Variants in HIF1A observed in about 807,000 individuals in gnomAD.
HIF1A encodes the protein hypoxia-inducible factor 1-alpha.
HIF1A carries 24 observed loss-of-function variants against 92.7 expected under a neutral mutation model. That is an observed-to-expected ratio of 0.26 (90% confidence interval 0.19 to 0.36). The LOEUF (loss-of-function observed/expected upper bound fraction) is 0.36. Ranked by LOEUF, HIF1A falls within the 10% of genes least tolerant of loss-of-function variation. The pLI, the probability that HIF1A is intolerant of heterozygous loss-of-function variation, is 1.00. For missense variants in HIF1A, 799 were observed against 998.5 expected (o/e 0.80, Z 2.69); for synonymous variants, 319 against 338.7 (o/e 0.94, Z 0.64).
intron 1 of HIF1A, among the ~76,000 whole-genome samples, chr14:61,706,405 T>C: frequency 6.6e-6 from 1 of 152,238 alleles, no homozygotes; most frequent in East Asian, 1.9e-4. Flanking sequence ...AAAGTTTTAC[T>C]AAACGCACAC....
Position 61,728,321 on chromosome 14 carries a change from A to T in HIF1A, c.773+666A>T, listed in dbSNP as rs138436712. 7.2e-3 allele frequency among the ~76,000 whole-genome samples: 1,095 copies of T among 152,252 alleles called. 19 individuals carry two copies. The highest frequency in any genetic ancestry group is 0.025 in the African/African-American group (1,027 of 41,554). The stretch of plus-strand genomic sequence containing the variant: ...AAGCCAAGTGTTTGTACATCTCTTC[A>T]TCCTACATATTTTCCCTGAGAAGCT... On this transcript the variant is annotated intron_variant, in intron 6 of 14. Transcript: ENST00000337138.
At chr14:61,744,457 A>T (rs902595912) in intron 12 of HIF1A, among the ~76,000 whole-genome samples, 5 of 151,580 alleles carry the variant, frequency 3.3e-5, no homozygotes, top group African/African-American at 1.2e-4. Flanking sequence ...TGGTTGCAGT[A>T]AGCAGAGATC....
chr14:61,695,885 G>A (rs1373028741), intron 1 of HIF1A, 46 bp downstream of exon 1: 1 of 1,527,538 alleles, frequency 6.5e-7, no homozygotes, highest in Non-Finnish European at 8.9e-7. Flanking sequence ...CGGCGACCCC[G>A]CCCGCCTGCC....
At chr14:61,716,487 G>T (rs1183644350) in intron 1 of HIF1A, among the ~76,000 whole-genome samples, 1 of 152,092 alleles carries the variant, frequency 6.6e-6, no homozygotes, top group Non-Finnish European at 1.5e-5. Context: ...AATAGTTATG[G>T]TTTAACTTCA....
chr14:61,727,926 G>C (rs1326688446), intron 6 of HIF1A, among the ~76,000 whole-genome samples: 3 of 151,410 alleles, frequency 2.0e-5, no homozygotes, highest in African/African-American at 7.3e-5. Flanking sequence ...GCTGAGGCAG[G>C]AGAATCGCTT....
At chr14:61,712,460 G>A (rs184642841) in intron 1 of HIF1A, among the ~76,000 whole-genome samples, 1 of 151,528 alleles carries the variant, frequency 6.6e-6, no homozygotes, top group African/African-American at 2.4e-5. Flanking sequence ...AAGCAGAGAG[G>A]AGTGATATGA....
At chr14:61,741,628 G>A (rs1172986191) in intron 12 of HIF1A, among the ~76,000 whole-genome samples, 9 of 151,968 alleles carry the variant, frequency 5.9e-5, no homozygotes, top group East Asian at 1.9e-4. Flanking sequence ...CTCAGCCTCC[G>A]AAAGAGCTGG....
chr14:61,740,855 C>G lies in HIF1A; in HGVS notation c.1760C>G (p.Ser587Cys), dbSNP rs1476116738. The G allele has an allele frequency of 1.2e-6, 2 of 1,614,110 alleles. No individual in the cohort carries two copies. Among genetic ancestry groups the G allele is most frequent in the East Asian group, 4.5e-5 (2 of 44,874 alleles). Residue 587 changes from serine to cysteine, a missense_variant, in exon 12 of 15, where the codon TCC becomes TGC. Physicochemically the swap from Ser to Cys is moderately radical, Grantham distance 112. This residue lies in a region of HIF1A where 516 missense variants were observed against 721.0 expected (regional missense o/e 0.72). Transcript: ENST00000337138. The stretch of plus-strand genomic sequence containing the variant: ...CAGTTGTCACCATTAGAAAGCAGTT[C>G]CGCAAGCCCTGAAAGCGCAAGTCCT... Reference protein sequence around the residue: ...FDQLSPLESSSASPESASPQS... With the variant: ...FDQLSPLESSCASPESASPQS...
Position 61,718,480 on chromosome 14 carries a change from C to G in HIF1A, c.36-1902C>G, listed in dbSNP as rs188904613. 4.6e-5 allele frequency among the ~76,000 whole-genome samples: 7 copies of G among 152,284 alleles called. No individual in the cohort carries two copies. In the East Asian group the frequency reaches 1.3e-3, roughly 29 times the overall value. ...AATAGGGACCTGCTAGATACCCCCC[C>G]ATCCTGGGAATGGTGTATGGAACTC... On this transcript the variant is annotated intron_variant, in intron 1 of 14. Transcript: ENST00000337138.
At chr14:61,724,349 T>TTCCCTCTCTC (rs2044472579) in intron 4 of HIF1A, among the ~76,000 whole-genome samples, 1 of 96,096 alleles carries the variant, frequency 1.0e-5, no homozygotes, top group Non-Finnish European at 2.1e-5. Context: ...CACACACACA[T>TTCCCTCTCTC]TCTCTCTCTC....
rs189188868 is a variant in HIF1A at position 61,701,678 on chromosome 14, C to A, written c.35+5839C>A. The stretch of plus-strand genomic sequence containing the variant: ...CTGGATATGTTTCAGTGGACCAAAT[C>A]CCAAGTAGGCTGAATTTGAAATTTG... On this transcript the variant is annotated intron_variant, in intron 1 of 14. Transcript: ENST00000337138. 3.3e-4 allele frequency among the ~76,000 whole-genome samples: 50 copies of A among 152,252 alleles called. No individual in the cohort carries two copies. The East Asian group carries it at 6.0e-3, about 18-fold the overall frequency.
intron 1 of HIF1A, among the ~76,000 whole-genome samples, chr14:61,711,460 A>G (rs2044307525): frequency 6.6e-6 from 1 of 152,222 alleles, no homozygotes; most frequent in Non-Finnish European, 1.5e-5. Context: ...ACATGAGTGT[A>G]GATGAAAGCG....
intron 5 of HIF1A, 46 bp downstream of exon 5, chr14:61,726,864 T>C: frequency 9.7e-7 from 1 of 1,035,202 alleles, no homozygotes; most frequent in East Asian, 2.5e-5. Flanking sequence ...TATTTATACA[T>C]AGACATTGTA....
Position 61,695,826 on chromosome 14 carries a change from A to C in HIF1A, c.22A>C (p.Asn8His). The C allele has an allele frequency of 6.3e-7, 1 of 1,593,008 alleles. No individual in the cohort carries two copies. Among genetic ancestry groups the C allele is most frequent in the Non-Finnish European group, 8.5e-7 (1 of 1,171,258 alleles). The stretch of plus-strand genomic sequence containing the variant: ...CACCATGGAGGGCGCCGGCGGCGCG[A>C]ACGACAAGAAAAAGTAAGCCCATTC... MEGAGGA[N>H]DKKKISSERR... The change falls in exon 1 of 15, where the codon AAC (asparagine) becomes CAC (histidine). Residue 8 changes from asparagine to histidine, a missense_variant. Physicochemically the swap from Asn to His is moderately conservative, Grantham distance 68. This residue lies in a region of HIF1A where 516 missense variants were observed against 721.0 expected (regional missense o/e 0.72). Transcript: ENST00000337138.
chr14:61,739,314 G>C (rs942421497), intron 10 of HIF1A, among the ~76,000 whole-genome samples: 2 of 152,182 alleles, frequency 1.3e-5, no homozygotes, highest in African/African-American at 4.8e-5. Flanking sequence ...CCAAGACTTA[G>C]AGATATCACA....
In HIF1A at chr14:61,740,624, T is replaced by C; in HGVS notation, c.1656T>C (p.Thr552=). ...EDTEAKNPFS[T]QDTDLDLEML... is the part of the protein sequence containing the mutation. Reference sequence around the variant, plus strand: ...CAGAAGCAAAGAACCCATTTTCTACTCAGGTATATGAACTTATTTGTTTTA... The same window carrying C: ...CAGAAGCAAAGAACCCATTTTCTACCCAGGTATATGAACTTATTTGTTTTA... Residue 552 remains threonine (T), a synonymous_variant, in exon 11 of 15, where the codon ACT becomes ACC. Coordinates refer to ENST00000337138, the MANE Select transcript of HIF1A (RefSeq NM_001530.4). The C allele has an allele frequency of 6.3e-7, 1 of 1,597,302 alleles. No individual in the cohort carries two copies. Among genetic ancestry groups the C allele is most frequent in the Non-Finnish European group, 8.5e-7 (1 of 1,174,488 alleles).
intron 1 of HIF1A, among the ~76,000 whole-genome samples, chr14:61,703,914 A>G (rs1449887828): frequency 1.3e-5 from 2 of 152,122 alleles, no homozygotes; most frequent in Admixed American, 1.3e-4. Context: ...TCTTGTCATG[A>G]CTTTTGGGAA....
Position 61,745,729 on chromosome 14 carries a change from T to G in HIF1A, c.2241T>G (p.Thr747=), listed in dbSNP as rs1213976769. ...AGCAGCCAGACGATCATGCAGCTACTACATCACTTTCTTGGAAACGTGTAA... is the reference window on the plus strand; with the variant it reads ...AGCAGCCAGACGATCATGCAGCTACGACATCACTTTCTTGGAAACGTGTAA... The part of the protein sequence containing the change: ...LLQQPDDHAA[T]TSLSWKRVKG... Residue 747 remains threonine, a synonymous_variant, in exon 14 of 15, where the codon ACT becomes ACG. Transcript: ENST00000337138. 1.9e-6 allele frequency: 3 copies of G among 1,612,410 alleles called. No individual in the cohort carries two copies. Among genetic ancestry groups the G allele is most frequent in the Non-Finnish European group, 2.5e-6 (3 of 1,178,560 alleles).
chr14:61,735,873 A>G (rs761107845), intron 8 of HIF1A, among the ~76,000 whole-genome samples: 8 of 152,162 alleles, frequency 5.3e-5, no homozygotes, highest in Non-Finnish European at 7.4e-5. Context: ...CTTTTGTGCC[A>G]ATTTCATAAT....
Sources: gnomAD v4.1 joint callset for allele counts (sites outside exome capture counted in the v4.1 genomes callset) on GRCh38, gnomAD v4.1.1 for gene constraint, gnomAD v4.1.1 regional missense constraint, MANE v1.5 for transcripts, NCBI Gene and HGNC (gene_info 2026-07-23, HGNC 2026-07-21) for gene names.